Variants in MIER1 observed in about 807,000 individuals in gnomAD.
MIER1 encodes MIER1 transcriptional regulator.
In MIER1, 40 loss-of-function variants were observed where a neutral mutation model predicts 75.7. The observed-to-expected ratio is 0.53, with a 90% CI of 0.41 to 0.69. The LOEUF (loss-of-function observed/expected upper bound fraction) is 0.69. Ranked by LOEUF, MIER1 falls within the 30% of genes least tolerant of loss-of-function variation. The pLI is 0.00. For synonymous variants in MIER1, 213 were observed against 223.4 expected (o/e 0.95, Z 0.42); for missense variants, 574 against 680.2 (o/e 0.84, Z 1.74).
intron 2 of MIER1, among the ~76,000 whole-genome samples, chr1:66,927,247 AAAT>A (rs1370849354): frequency 1.3e-5 from 2 of 152,142 alleles, no homozygotes; most frequent in African/African-American, 2.4e-5. Context: ...CTTTGCCTGA[AAAT>A]AAGGAGGCTT....
intron 10 of MIER1, among the ~76,000 whole-genome samples, chr1:66,972,246 A>G (rs1663822690): frequency 2.3e-5 from 2 of 87,466 alleles, no homozygotes; most frequent in South Asian, 5.4e-4. Flanking sequence ...ATATATATAT[A>G]TATATATATA....
At chr1:66,957,158 C>G (rs918337814) in intron 4 of MIER1, among the ~76,000 whole-genome samples, 2 of 152,024 alleles carry the variant, frequency 1.3e-5, no homozygotes, top group African/African-American at 4.8e-5. Flanking sequence ...AATCAGAATT[C>G]TGTTATGTTT....
Position 66,930,458 on chromosome 1 carries a change from G to A in MIER1, c.168+4216G>A. 6 of 1,579,248 alleles carry A rather than the reference G, an allele frequency of 3.8e-6. No individual in the cohort carries two copies. In the South Asian group the frequency reaches 5.7e-5, roughly 15 times the overall value. ...AGCCGGGCGCCCCCGGCCCTGGGCC[G>A]GGGAGGAGTGGAGTGGGCCTGGCCA... On this transcript the variant is annotated intron_variant, in intron 2 of 13. Transcript: ENST00000401041.
At chr1:66,952,227 T>C (rs1659139163) in intron 4 of MIER1, among the ~76,000 whole-genome samples, 2 of 152,234 alleles carry the variant, frequency 1.3e-5, no homozygotes, top group South Asian at 2.1e-4. Flanking sequence ...TGTGCCACTT[T>C]ATTGTGATGT....
At chr1:66,981,996 G>A in intron 13 of MIER1, 78 bp downstream of exon 13, 1 of 1,500,754 alleles carries the variant, frequency 6.7e-7, no homozygotes, top group Non-Finnish European at 9.2e-7. Context: ...ATTCCGTTTG[G>A]GTTTCTATTA....
At chr1:66,937,705 T>C (rs941292196) in intron 2 of MIER1, among the ~76,000 whole-genome samples, 1 of 152,250 alleles carries the variant, frequency 6.6e-6, no homozygotes, top group African/African-American at 2.4e-5. Context: ...TATATTAAGA[T>C]GCTAAACTCA....
At chr1:66,948,008 TA>T in intron 4 of MIER1, 1 of 983,976 alleles carries the variant, frequency 1.0e-6, no homozygotes, top group Middle Eastern at 5.2e-4. Context: ...GTTTTATTTT[TA>T]TTTTTTTTTA....
intron 8 of MIER1, among the ~76,000 whole-genome samples, chr1:66,968,215 G>GGA (rs1296363399): frequency 3.3e-5 from 5 of 152,052 alleles, no homozygotes; most frequent in African/African-American, 1.2e-4. Context: ...TGTGGTAAAG[G>GGA]GGCATTCCTC....
intron 8 of MIER1, among the ~76,000 whole-genome samples, chr1:66,968,763 CTAAA>C (rs1662945014): frequency 6.6e-6 from 1 of 152,170 alleles, no homozygotes; most frequent in Non-Finnish European, 1.5e-5. Flanking sequence ...TAACTTTTTC[CTAAA>C]TTCATGTAAG....
At chr1:66,928,767 T>C (rs1316844898) in intron 2 of MIER1, 19 of 577,944 alleles carry the variant, frequency 3.3e-5, no homozygotes. Flanking sequence ...AACACTTTTA[T>C]ATAAGTTTTC....
chr1:66,959,431 C>A (rs774019660), intron 6 of MIER1, among the ~76,000 whole-genome samples: 1 of 151,948 alleles, frequency 6.6e-6, no homozygotes, highest in Non-Finnish European at 1.5e-5. Context: ...TATTCTAAAT[C>A]AGTTTTTTCC....
At position 66,947,008 on chromosome 1, in the gene MIER1, C is replaced by G. The variant is rs899246462; in HGVS notation, c.339+713C>G. ...GACCTTCTTTTTTTCTCTCCTGTCT[C>G]TGTCTGGATCAGTGCTCCTCAAAAT... On this transcript the variant is annotated intron_variant, in intron 4 of 13. Transcript: ENST00000401041. 8.1e-6 allele frequency: 8 copies of G among 985,062 alleles called. No individual in the cohort carries two copies. The South Asian group carries it at 1.9e-4, about 23-fold the overall frequency. 61.0% of individuals were successfully genotyped at this position (985,062 alleles called of 1,614,324 possible).
rs556304816 is a variant in MIER1, at chr1:66,957,389, T to C, written c.340-670T>C. On this transcript the variant is annotated intron_variant, in intron 4 of 13. Transcript: ENST00000401041. ...ATCTGGCTCTACTACTTGTAACTTG[T>C]GTGATTTGTGAAGAAATGCTTAACC... Among the ~76,000 whole-genome samples, 5 of 152,254 alleles carry C rather than the reference T, an allele frequency of 3.3e-5. No homozygotes were observed. In the South Asian group the frequency reaches 1.0e-3, roughly 32 times the overall value.
chr1:66,965,317 C>T (rs1332050364), intron 8 of MIER1, among the ~76,000 whole-genome samples: 1 of 151,992 alleles, frequency 6.6e-6, no homozygotes, highest in African/African-American at 2.4e-5. Context: ...AACTGAAAGA[C>T]ATTTGTTTTT....
At chr1:66,925,214 GGAA>G (rs1651228431) in intron 1 of MIER1, 119 bp downstream of exon 1, 1 of 1,395,316 alleles carries the variant, frequency 7.2e-7, no homozygotes, top group South Asian at 1.7e-5. Flanking sequence ...TGTACCGCCC[GGAA>G]GACCCTTAAC....
chr1:66,972,842 A>G, intron 10 of MIER1, 55 bp from the exon 11 acceptor site: 2 of 871,256 alleles, frequency 2.3e-6, no homozygotes, highest in South Asian at 1.5e-5. Context: ...TAATTTTGTT[A>G]TATGCAATAA....
Position 66,958,202 on chromosome 1 carries a change from C to G in MIER1, c.483C>G (p.Gly161=), listed in dbSNP as rs1479636482. The G allele has an allele frequency of 6.2e-7, 1 of 1,602,052 alleles. No individual in the cohort carries two copies. Among genetic ancestry groups the G allele is most frequent in the East Asian group, 2.2e-5 (1 of 44,760 alleles). ...DEDADNDDNS[G]CSGENKEENI... The stretch of plus-strand genomic sequence containing the variant: ...ATGCTGATAATGATGACAACAGTGG[C>G]TGTAGTGGGGAAAATAAAGTAAGTC... The change falls in exon 5 of 14, where the codon GGC becomes GGG. Residue 161 remains glycine (G), a synonymous_variant. Coordinates refer to ENST00000401041, the MANE Select transcript of MIER1 (RefSeq NM_001077700.3).
chr1:66,976,796 A>G, intron 12 of MIER1, 74 bp downstream of exon 12: 1 of 1,263,538 alleles, frequency 7.9e-7, no homozygotes. Flanking sequence ...TGAGTTAATT[A>G]TTATTTTGAT....
At chr1:66,944,201 AAGTC>A (rs1558039735) in intron 3 of MIER1, among the ~76,000 whole-genome samples, 1 of 152,082 alleles carries the variant, frequency 6.6e-6, no homozygotes, top group Non-Finnish European at 1.5e-5. Context: ...GATTTTCAAG[AAGTC>A]AGCTCTATCT....
Sources: gnomAD v4.1 joint callset for allele counts (sites outside exome capture counted in the v4.1 genomes callset) on GRCh38, gnomAD v4.1.1 for gene constraint, MANE v1.5 for transcripts, NCBI Gene and HGNC (gene_info 2026-07-23, HGNC 2026-07-21) for gene names.